AFF3: variants seen among roughly 807,000 people sequenced by gnomAD.
AFF3 encodes ALF transcription elongation factor 3, also known as AF4/FMR2 family member 3.
Under a neutral mutation model 129.7 loss-of-function variants are expected in AFF3, and 32 were observed. The observed-to-expected ratio is 0.25, with a 90% CI of 0.19 to 0.33. The LOEUF is 0.33. Among genes scored for constraint, AFF3 ranks in the 10% least tolerant of loss-of-function variants. The pLI, the probability that AFF3 is intolerant of heterozygous loss-of-function variation, is 1.00. For synonymous variants in AFF3, 644 were observed against 635.4 expected (o/e 1.01, Z -0.20); for missense variants, 1,373 against 1,592.0 (o/e 0.86, Z 2.34).
intron 8 of AFF3, among the ~76,000 whole-genome samples, chr2:99,773,706 A>G (rs1302049396): frequency 6.6e-6 from 1 of 152,216 alleles, no homozygotes; most frequent in Non-Finnish European, 1.5e-5. Flanking sequence ...CCTATTCAAC[A>G]TAGTATTGGA....
intron 11 of AFF3, among the ~76,000 whole-genome samples, chr2:99,702,085 C>A (rs898242146): frequency 6.6e-6 from 1 of 152,218 alleles, no homozygotes; most frequent in Admixed American, 6.5e-5. Flanking sequence ...TGAGCCTTCA[C>A]GTACAAGTTG....
At chr2:99,710,220 A>T (rs576118249) in intron 11 of AFF3, among the ~76,000 whole-genome samples, 1 of 152,314 alleles carries the variant, frequency 6.6e-6, no homozygotes. Flanking sequence ...TTTATAAAGT[A>T]TTTAATACAG....
chr2:99,854,695 G>C (rs918924855), intron 7 of AFF3, among the ~76,000 whole-genome samples: 1 of 152,130 alleles, frequency 6.6e-6, no homozygotes, highest in Admixed American at 6.6e-5. Flanking sequence ...ATCCTTGGCT[G>C]TAGGTAGAGC....
At chr2:99,744,235 C>G in intron 9 of AFF3, 95 bp from the exon 10 acceptor site, 1 of 1,022,800 alleles carries the variant, frequency 9.8e-7, no homozygotes. Context: ...CATTCAGAAC[C>G]GATTCATTGC....
At chr2:99,648,506 G>A (rs547661448) in intron 13 of AFF3, among the ~76,000 whole-genome samples, 206 of 152,258 alleles carry the variant, frequency 1.4e-3, no homozygotes, top group South Asian at 4.1e-3. Context: ...AATTCCAGAA[G>A]ATCATGTGCC....
intron 7 of AFF3, among the ~76,000 whole-genome samples, chr2:99,995,474 G>A (rs770620656): frequency 6.6e-6 from 1 of 151,774 alleles, no homozygotes; most frequent in African/African-American, 2.4e-5. Context: ...CCGGGTTCAC[G>A]CCATTCTCCT....
intron 8 of AFF3, among the ~76,000 whole-genome samples, chr2:99,770,097 T>C (rs945779085): frequency 6.6e-6 from 1 of 151,942 alleles, no homozygotes; most frequent in African/African-American, 2.4e-5. Context: ...CCCAGCTGGG[T>C]CCAGAGATGC....
At chr2:99,689,331 T>C (rs1675372002) in intron 11 of AFF3, among the ~76,000 whole-genome samples, 1 of 152,136 alleles carries the variant, frequency 6.6e-6, no homozygotes. Context: ...AATACTGGAA[T>C]GATGCAAAGT....
At chr2:99,684,383 G>A (rs890056147) in intron 11 of AFF3, among the ~76,000 whole-genome samples, 1 of 152,192 alleles carries the variant, frequency 6.6e-6, no homozygotes, top group Non-Finnish European at 1.5e-5. Flanking sequence ...CCCTGCAGCT[G>A]TCCAGTTCCT....
At chr2:99,893,776 C>G (rs1693742289) in intron 7 of AFF3, among the ~76,000 whole-genome samples, 1 of 152,218 alleles carries the variant, frequency 6.6e-6, no homozygotes, top group South Asian at 2.1e-4. Flanking sequence ...GGGCTAGACA[C>G]AGAAACTTCC....
chr2:99,558,634 A>AAAAAAT (rs1675174708), intron 22 of AFF3, among the ~76,000 whole-genome samples: 1 of 152,154 alleles, frequency 6.6e-6, no homozygotes, highest in African/African-American at 2.4e-5. Flanking sequence ...AAAATACATA[A>AAAAAAT]AAAAATAAAA....
intron 9 of AFF3, among the ~76,000 whole-genome samples, chr2:99,745,844 CTCTT>C (rs1681110260): frequency 6.6e-6 from 1 of 152,190 alleles, no homozygotes; most frequent in Non-Finnish European, 1.5e-5. Context: ...GATTTACATC[CTCTT>C]TCTTTGCAAA....
chr2:100,023,956 G>A (rs1275510532), intron 4 of AFF3, among the ~76,000 whole-genome samples: 1 of 152,176 alleles, frequency 6.6e-6, no homozygotes, highest in Non-Finnish European at 1.5e-5. Context: ...ACAGAGGCCG[G>A]GCACGGTGGC....
intron 13 of AFF3, among the ~76,000 whole-genome samples, chr2:99,618,224 C>CTTTTTTTTTTTTTTTTTTTT (rs70940180): frequency 1.2e-5 from 1 of 80,084 alleles, no homozygotes; most frequent in African/African-American, 5.7e-5. Flanking sequence ...TCATAACATT[C>CTTTTTTTTTTTTTTTTTTTT]TTTTTTTTTT....
intron 10 of AFF3, among the ~76,000 whole-genome samples, chr2:99,742,038 G>C (rs1680764460): frequency 6.6e-6 from 1 of 152,044 alleles, no homozygotes; most frequent in Non-Finnish European, 1.5e-5. Context: ...ACATGTGCTG[G>C]GGTTTTGGAG....
intron 13 of AFF3, among the ~76,000 whole-genome samples, chr2:99,620,862 T>A (rs1055088993): frequency 2.4e-4 from 37 of 152,166 alleles, no homozygotes; most frequent in Admixed American, 1.4e-3. Context: ...CTCCTCCTCT[T>A]CTCCCTCTTC....
chr2:99,615,674 G>A (rs976763117), intron 13 of AFF3, among the ~76,000 whole-genome samples: 8 of 152,254 alleles, frequency 5.3e-5, no homozygotes, highest in Non-Finnish European at 8.8e-5. Flanking sequence ...GGGTGCATGG[G>A]ATGGGAGGCG....
intron 11 of AFF3, among the ~76,000 whole-genome samples, chr2:99,705,897 A>AAAG (rs1677333157): frequency 6.6e-6 from 1 of 151,424 alleles, no homozygotes; most frequent in South Asian, 2.1e-4. Context: ...AAAAAAAAAA[A>AAAG]AAACACGCCC....
chr2:99,923,395 C>T (rs1695993348), intron 7 of AFF3, among the ~76,000 whole-genome samples: 1 of 152,182 alleles, frequency 6.6e-6, no homozygotes, highest in African/African-American at 2.4e-5. Flanking sequence ...GAAAAGCATA[C>T]CAAGTAGCTC....
Sources: gnomAD v4.1 joint callset for allele counts (sites outside exome capture counted in the v4.1 genomes callset) on GRCh38, gnomAD v4.1.1 for gene constraint, MANE v1.5 for transcripts, NCBI Gene and HGNC (gene_info 2026-07-23, HGNC 2026-07-21) for gene names.